PCTP: variants seen among roughly 807,000 people sequenced by gnomAD.
PCTP encodes START domain-containing protein 2.
A neutral mutation model predicts 31.0 loss-of-function variants in PCTP; 27 were observed. That is an observed-to-expected ratio of 0.87 (90% CI 0.64 to 1.20). PCTP has a LOEUF of 1.20. Ranked by LOEUF, PCTP falls within the 50% of genes most tolerant of loss-of-function variation. The pLI, the probability that PCTP is intolerant of heterozygous loss-of-function variation, is 0.00. For synonymous variants in PCTP, 108 were observed against 101.2 expected (o/e 1.07, Z -0.40); for missense variants, 287 against 268.2 (o/e 1.07, Z -0.49).
intron 2 of PCTP, among the ~76,000 whole-genome samples, chr17:55,784,465 AT>A (rs1303845378): frequency 2.0e-5 from 3 of 152,160 alleles, no homozygotes. Context: ...AACAACCATA[AT>A]AATAATAATA....
chr17:55,771,232 T>C, intron 3 of PCTP, 47 bp downstream of exon 3: 1 of 1,450,824 alleles, frequency 6.9e-7, no homozygotes, highest in Non-Finnish European at 9.7e-7. Flanking sequence ...TAAGTGTTTC[T>C]GTGTTCCTCA....
At chr17:55,764,479 C>T (rs368325463) in intron 1 of PCTP, among the ~76,000 whole-genome samples, 152 of 152,296 alleles carry the variant, frequency 1.0e-3, no homozygotes, top group Middle Eastern at 3.4e-3. Flanking sequence ...ACTGGGGCAT[C>T]CATGGCATGG....
rs552998394 is a variant in PCTP at position 55,820,576 on chromosome 17, A to T, written c.318-2185A>T. Among the ~76,000 whole-genome samples, 4 of 152,374 alleles carry T rather than the reference A, an allele frequency of 2.6e-5. No individual in the cohort carries two copies. In the South Asian group the frequency reaches 6.2e-4, roughly 24 times the overall value. Reference sequence around the variant, plus strand: ...ACTTAATCACCCCTAAAGGCCCTACATCTTAATACTATCACATTGGTGATT... The same window carrying T: ...ACTTAATCACCCCTAAAGGCCCTACTTCTTAATACTATCACATTGGTGATT... On this transcript the variant is annotated intron_variant, in intron 3 of 3. Transcript: ENST00000572536.
intron 3 of PCTP, among the ~76,000 whole-genome samples, chr17:55,813,133 A>G (rs1912807606): frequency 6.6e-6 from 1 of 152,230 alleles, no homozygotes; most frequent in Non-Finnish European, 1.5e-5. Flanking sequence ...TTTTATATCC[A>G]GTAATCAACA....
chr17:55,773,692 G>A (rs750638555), intron 3 of PCTP, 32 bp from the exon 4 acceptor site: 2 of 1,583,032 alleles, frequency 1.3e-6, no homozygotes, highest in Non-Finnish European at 1.7e-6. Context: ...TACAATGCTG[G>A]CGTTGGTGTC....
rs1401581571 is a variant in PCTP at position 55,776,419 on chromosome 17, A to T, written c.*319A>T. ...TTTGCTTGCTTACTATTAGGAGGGG[A>T]AGTCTTCAGTAGGGAACACGATCAT... On this transcript the variant is annotated 3_prime_UTR_variant, in exon 6 of 6. Transcript: ENST00000268896. 8.0e-7 allele frequency: 1 copy of T among 1,247,172 alleles called. No homozygotes were observed. Among genetic ancestry groups the T allele is most frequent in the Non-Finnish European group, 1.0e-6 (1 of 997,626 alleles). The allele number at this position is 1,247,172 out of a possible 1,614,324, so 77.3% of individuals were successfully genotyped here.
downstream of PCTP, among the ~76,000 whole-genome samples, chr17:55,846,645 C>A (rs1316233278): frequency 1.3e-5 from 2 of 152,104 alleles, no homozygotes; most frequent in Non-Finnish European, 2.9e-5. Context: ...GAGTGATAAA[C>A]CCCCTCTTTT....
intron 3 of PCTP, among the ~76,000 whole-genome samples, chr17:55,792,510 A>C (rs59276789): frequency 0.02 from 2,999 of 152,200 alleles, 103 homozygotes; most frequent in African/African-American, 0.069. Context: ...ATAACTTACC[A>C]TTAGATAGTA....
chr17:55,787,327 A>T (rs1911781883), intron 2 of PCTP, among the ~76,000 whole-genome samples: 1 of 151,352 alleles, frequency 6.6e-6, no homozygotes, highest in South Asian at 2.1e-4. Flanking sequence ...GTAATATTTT[A>T]TATTTTTTAA....
rs142457950 is a variant in PCTP, at chr17:55,771,185, C to T, written c.339C>T (p.Asp113=). 8.7e-5 allele frequency: 139 copies of T among 1,601,580 alleles called. No individual in the cohort carries two copies. Among genetic ancestry groups the T allele is most frequent in the South Asian group, 4.8e-4 (44 of 90,770 alleles). ...ACCCTTTTCCCATGTCCAACAGAGA[C>T]GTATCCTTTCCACAAGGTACTCATT... The part of the protein sequence containing the change: ...VKYPFPMSNR[D]YVYLRQRRDL... Residue 113 remains aspartate, a splice_region_variant and synonymous_variant, in exon 3 of 6, where the codon GAC becomes GAT. Transcript: ENST00000268896.
At chr17:55,758,587 T>G (rs1910172122) in intron 1 of PCTP, among the ~76,000 whole-genome samples, 1 of 152,228 alleles carries the variant, frequency 6.6e-6, no homozygotes, top group Non-Finnish European at 1.5e-5. Flanking sequence ...CCAGCGTGAT[T>G]GATAGAATCA....
At chr17:55,783,264 C>A (rs1911628137) in intron 2 of PCTP, among the ~76,000 whole-genome samples, 3 of 152,016 alleles carry the variant, frequency 2.0e-5, no homozygotes, top group Non-Finnish European at 4.4e-5. Flanking sequence ...CCGTAAAAGT[C>A]TACTCAACAG....
At chr17:55,782,695 C>T (rs1400196358) in intron 2 of PCTP, among the ~76,000 whole-genome samples, 3 of 152,134 alleles carry the variant, frequency 2.0e-5, no homozygotes, top group Non-Finnish European at 4.4e-5. Context: ...GTTTTTACAT[C>T]AGTCATTGTA....
intron 5 of PCTP, among the ~76,000 whole-genome samples, chr17:55,833,526 C>A (rs766644705): frequency 1.1e-4 from 16 of 152,200 alleles, no homozygotes; most frequent in Admixed American, 6.5e-4. Context: ...TTTCCTCACC[C>A]AATGCCAGAC....
chr17:55,760,808 G>T (rs1198000251), intron 1 of PCTP, among the ~76,000 whole-genome samples: 2 of 152,096 alleles, frequency 1.3e-5, no homozygotes, highest in African/African-American at 4.8e-5. Context: ...GTCCGTTCTG[G>T]GTGGCCTGGA....
At chr17:55,759,853 C>T (rs559269698) in intron 1 of PCTP, among the ~76,000 whole-genome samples, 12 of 152,276 alleles carry the variant, frequency 7.9e-5, no homozygotes, top group South Asian at 2.1e-4. Context: ...GCAAACATTA[C>T]GACATTTTGA....
intron 2 of PCTP, among the ~76,000 whole-genome samples, chr17:55,787,090 A>G (rs545559777): frequency 1.1e-4 from 17 of 151,888 alleles, no homozygotes; most frequent in African/African-American, 3.9e-4. Flanking sequence ...TACTGCTCTC[A>G]TCAGAGACCC....
chr17:55,823,143 T>C (rs1174435029), downstream of PCTP: 2 of 179,336 alleles, frequency 1.1e-5, no homozygotes, highest in African/African-American at 4.7e-5. Context: ...TTGGAGGATA[T>C]GCTTATCAAA....
chr17:55,795,480 C>T (rs966786210), intron 3 of PCTP, among the ~76,000 whole-genome samples: 2 of 152,034 alleles, frequency 1.3e-5, no homozygotes, highest in Non-Finnish European at 1.5e-5. Flanking sequence ...GTAATTTATA[C>T]AAGATCAATA....
Sources: allele counts gnomAD v4.1 joint callset (sites outside exome capture counted in the v4.1 genomes callset), GRCh38; gene constraint gnomAD v4.1.1; transcripts MANE v1.5; gene names NCBI Gene and HGNC (gene_info 2026-07-23, HGNC 2026-07-21).